The following KLF7 variants were observed in gnomAD, a reference collection of about 807,000 sequenced individuals.
The protein encoded by KLF7 is Krueppel-like factor 7.
A neutral mutation model predicts 27.3 loss-of-function variants in KLF7; 2 were observed. That is an observed-to-expected ratio of 0.07 (90% CI 0.03 to 0.23). The LOEUF is 0.23. Among genes scored for constraint, KLF7 ranks in the 10% least tolerant of loss-of-function variants. KLF7 has a pLI of 1.00. For missense variants in KLF7, 221 were observed against 394.1 expected (o/e 0.56, Z 3.72); for synonymous variants, 165 against 162.4 (o/e 1.02, Z -0.12).
chr2:207,132,392 T>C (rs953944261), intron 1 of KLF7, among the ~76,000 whole-genome samples: 1 of 152,266 alleles, frequency 6.6e-6, no homozygotes, highest in Non-Finnish European at 1.5e-5. Context: ...GAGACAATGC[T>C]GTGAAAACTA....
intron 2 of KLF7, among the ~76,000 whole-genome samples, chr2:207,118,055 G>GT: frequency 6.6e-6 from 1 of 152,216 alleles, no homozygotes; most frequent in Non-Finnish European, 1.5e-5. Flanking sequence ...TGAGTAGGAT[G>GT]TAAGCCTATA....
At chr2:207,153,549 C>G (rs1162578991) in intron 1 of KLF7, among the ~76,000 whole-genome samples, 1 of 151,962 alleles carries the variant, frequency 6.6e-6, no homozygotes, top group Non-Finnish European at 1.5e-5. Flanking sequence ...GTTAGGTGTT[C>G]AAGTTTCCTT....
At chr2:207,103,068 C>T (rs2076805186) in intron 2 of KLF7, among the ~76,000 whole-genome samples, 1 of 152,170 alleles carries the variant, frequency 6.6e-6, no homozygotes, top group Non-Finnish European at 1.5e-5. Flanking sequence ...GCTGGGATTA[C>T]AGGTGCCCGC....
intron 1 of KLF7, among the ~76,000 whole-genome samples, chr2:207,155,320 G>C (rs144514582): frequency 6.6e-6 from 1 of 152,332 alleles, no homozygotes; most frequent in East Asian, 1.9e-4. Context: ...CAAGTGGAAA[G>C]AGGGAAGAGA....
In KLF7 at chr2:207,124,220, T is replaced by C; in HGVS notation, c.287A>G (p.Asp96Gly). Residue 96 changes from aspartate to glycine, a missense_variant, in exon 2 of 4, where the codon GAC (aspartate) becomes GGC (glycine). By Grantham distance (94) the Asp-to-Gly change is moderately conservative (BLOSUM62 -1). Transcript: ENST00000309446. ...AAICEKSSAV[D>G]ILLSRDKLLS... is the part of the protein sequence containing the mutation. ...CAACTTGTCCCGAGAGAGCAAGATG[T>C]CCACTGCCGAGCTCTTCTCACAGAT... is the stretch of plus-strand genomic sequence containing the variant. 6.2e-7 allele frequency: 1 copy of C among 1,613,970 alleles called. No homozygotes were observed. The highest frequency in any genetic ancestry group is 8.5e-7 in the Non-Finnish European group (1 of 1,180,006).
At chr2:207,112,424 T>C (rs1163960158) in intron 2 of KLF7, among the ~76,000 whole-genome samples, 2 of 152,192 alleles carry the variant, frequency 1.3e-5, no homozygotes, top group African/African-American at 4.8e-5. Flanking sequence ...ATTTATCTTA[T>C]GGTGGAAGGG....
intron 1 of KLF7, among the ~76,000 whole-genome samples, chr2:207,128,408 A>C (rs2077537150): frequency 6.6e-6 from 1 of 152,198 alleles, no homozygotes; most frequent in South Asian, 2.1e-4. Context: ...TGGAAATAGA[A>C]AATCACCATA....
In KLF7 at chr2:207,078,988, A is replaced by G. The variant is rs1187875915; in HGVS notation, c.*2225T>C. 1 of 152,190 alleles carries G rather than the reference A, an allele frequency of 6.6e-6. No individual in the cohort carries two copies. Among genetic ancestry groups the G allele is most frequent in the Non-Finnish European group, 1.5e-5 (1 of 68,032 alleles). The allele number at this position is 152,190 out of a possible 1,614,324, so 9.4% of individuals were successfully genotyped here. The stretch of plus-strand genomic sequence containing the variant: ...AACATACATACAATTGCCTCCGGCA[A>G]ATGGACAGATTTTGTGTGTGTGTGC... On this transcript the variant is annotated 3_prime_UTR_variant, in exon 4 of 4. Coordinates refer to ENST00000309446, the MANE Select transcript of KLF7 (RefSeq NM_003709.4).
At chr2:207,150,330 A>G (rs928512197) in intron 1 of KLF7, among the ~76,000 whole-genome samples, 8 of 152,218 alleles carry the variant, frequency 5.3e-5, no homozygotes, top group Non-Finnish European at 7.3e-5. Context: ...TTACGTCCCC[A>G]TTTAGACAAC....
intron 2 of KLF7, among the ~76,000 whole-genome samples, chr2:207,099,883 A>G (rs2076722946): frequency 6.6e-6 from 1 of 152,186 alleles, no homozygotes; most frequent in Non-Finnish European, 1.5e-5. Context: ...TAATCCCAGC[A>G]CTTTGGGAGG....
chr2:207,086,893 T>G (rs774374413), intron 3 of KLF7, among the ~76,000 whole-genome samples: 4 of 152,208 alleles, frequency 2.6e-5, no homozygotes, highest in Non-Finnish European at 5.9e-5. Context: ...CACAAAGAAT[T>G]CACCTTGGTC....
chr2:207,084,437 G>GA (rs546038948), intron 3 of KLF7, among the ~76,000 whole-genome samples: 3 of 151,060 alleles, frequency 2.0e-5, no homozygotes, highest in Admixed American at 6.6e-5. Context: ...CAAATTCAGG[G>GA]AAAAAAAAGT....
intron 2 of KLF7, among the ~76,000 whole-genome samples, chr2:207,093,439 T>C (rs1213310026): frequency 3.9e-5 from 6 of 152,090 alleles, no homozygotes; most frequent in Admixed American, 3.9e-4. Flanking sequence ...TTGCACTGGC[T>C]CCTCGCTCTG....
chr2:207,113,874 T>C (rs2077106592), intron 2 of KLF7, among the ~76,000 whole-genome samples: 1 of 152,150 alleles, frequency 6.6e-6, no homozygotes, highest in Admixed American at 6.5e-5. Flanking sequence ...CATTATTTTA[T>C]CCCCAGAGAA....
At chr2:207,157,600 G>A (rs528125106) in intron 1 of KLF7, among the ~76,000 whole-genome samples, 1 of 152,302 alleles carries the variant, frequency 6.6e-6, no homozygotes, top group Non-Finnish European at 1.5e-5. Flanking sequence ...ATGTATAAGA[G>A]GGAGCCATGA....
intron 1 of KLF7, among the ~76,000 whole-genome samples, chr2:207,132,588 T>C (rs1461230646): frequency 6.6e-6 from 1 of 152,234 alleles, no homozygotes; most frequent in African/African-American, 2.4e-5. Flanking sequence ...GAGGGTGATG[T>C]CTTTGAAATT....
intron 3 of KLF7, among the ~76,000 whole-genome samples, chr2:207,081,852 CAAA>C (rs35500565): frequency 3.7e-4 from 40 of 107,694 alleles, no homozygotes; most frequent in African/African-American, 5.0e-4. Flanking sequence ...ATATTCAAGT[CAAA>C]AAAAAAAAAA....
At position 207,080,953 on chromosome 2, in the gene KLF7, ATCT is replaced by A; in HGVS notation, c.*257_*259del. On this transcript the variant is annotated 3_prime_UTR_variant, in exon 4 of 4. Coordinates refer to ENST00000309446, the MANE Select transcript of KLF7 (RefSeq NM_003709.4). ...CTGAGTTCACCTGGTTTCCTTCTTC[ATCT>A]TCTTCCATCTGGCTAGGGCAAGGCA... 1 of 438,282 alleles carries A rather than the reference ATCT, an allele frequency of 2.3e-6. No individual in the cohort carries two copies. The highest frequency in any genetic ancestry group is 4.0e-6 in the Non-Finnish European group (1 of 248,722). 27.1% of individuals were successfully genotyped at this position (438,282 alleles called of 1,614,324 possible). A position where few individuals can be genotyped will look rare whatever the true frequency, so the allele number is the denominator to read the frequency against.
At chr2:207,166,082 C>T (rs1251135939), upstream of KLF7, 16 of 966,474 alleles carry the variant, frequency 1.7e-5, no homozygotes, top group Non-Finnish European at 1.9e-5. Context: ...CTTCCCCCTC[C>T]CTTTTCTCCT....
Sources: allele counts gnomAD v4.1 joint callset (sites outside exome capture counted in the v4.1 genomes callset), GRCh38; gene constraint gnomAD v4.1.1; transcripts MANE v1.5; gene names NCBI Gene and HGNC (gene_info 2026-07-23, HGNC 2026-07-21).